The following RORB variants were observed in gnomAD, a reference collection of about 807,000 sequenced individuals.
RORB encodes the protein nuclear receptor ROR-beta.
A neutral mutation model predicts 59.1 loss-of-function variants in RORB; 6 were observed. That is an observed-to-expected ratio of 0.10 (90% confidence interval 0.06 to 0.20). The LOEUF (loss-of-function observed/expected upper bound fraction) is 0.20. Ranked by LOEUF, RORB falls within the 10% of genes least tolerant of loss-of-function variation. The pLI is 1.00. For synonymous variants in RORB, 215 were observed against 204.5 expected (o/e 1.05, Z -0.44); for missense variants, 320 against 560.5 (o/e 0.57, Z 4.33).
At chr9:74,652,328 A>T (rs1040752997) in intron 4 of RORB, among the ~76,000 whole-genome samples, 1 of 152,138 alleles carries the variant, frequency 6.6e-6, no homozygotes, top group African/African-American at 2.4e-5. Context: ...GAATCCCTTA[A>T]GCCAGGGAAG....
chr9:74,547,897 C>A (rs1240197691), intron 1 of RORB, among the ~76,000 whole-genome samples: 1 of 152,126 alleles, frequency 6.6e-6, no homozygotes, highest in Non-Finnish European at 1.5e-5. Flanking sequence ...AGAAAATAGG[C>A]TGAAAGGAGG....
chr9:74,634,750 T>G lies in RORB; in HGVS notation c.213T>G (p.Leu71=). ...AACACTGCCGACTGCAGAAGTGTCT[T>G]GCCCTAGGAATGTCAAGAGATGGTA... ...RCQHCRLQKC[L]ALGMSRDAVK... The change falls in exon 3 of 10, where the codon CTT becomes CTG. Residue 71 remains leucine, a synonymous_variant. Coordinates refer to ENST00000376896, the MANE Select transcript of RORB (RefSeq NM_006914.4). 1 of 1,613,272 alleles carries G rather than the reference T, an allele frequency of 6.2e-7. No homozygotes were observed. The highest frequency in any genetic ancestry group is 1.3e-5 in the African/African-American group (1 of 74,972).
intron 1 of RORB, among the ~76,000 whole-genome samples, chr9:74,505,987 G>A (rs945989891): frequency 6.7e-6 from 1 of 149,784 alleles, no homozygotes; most frequent in African/African-American, 2.5e-5. Flanking sequence ...AAAAAAAAAA[G>A]TATCACCAAG....
intron 1 of RORB, among the ~76,000 whole-genome samples, chr9:74,499,511 C>A (rs931717801): frequency 5.3e-5 from 8 of 152,118 alleles, no homozygotes; most frequent in African/African-American, 1.9e-4. Context: ...AGATAAGAAA[C>A]AAGGACGTCC....
intron 9 of RORB, among the ~76,000 whole-genome samples, chr9:74,681,297 G>A (rs1020418614): frequency 6.6e-6 from 1 of 152,168 alleles, no homozygotes; most frequent in Non-Finnish European, 1.5e-5. Flanking sequence ...AGCAATAAGT[G>A]ATTGCCTGCT....
At chr9:74,597,174 G>A (rs1008568041) in intron 1 of RORB, among the ~76,000 whole-genome samples, 2 of 152,188 alleles carry the variant, frequency 1.3e-5, no homozygotes, top group Admixed American at 6.5e-5. Flanking sequence ...TACGTTTTGA[G>A]AATCACTGCT....
chr9:74,619,133 T>C (rs1315114079), intron 1 of RORB, among the ~76,000 whole-genome samples: 1 of 152,164 alleles, frequency 6.6e-6, no homozygotes, highest in Admixed American at 6.5e-5. Context: ...TAATCTGGAA[T>C]TTTGTTCTTG....
chr9:74,633,477 C>A (rs1823652540), intron 2 of RORB, among the ~76,000 whole-genome samples: 1 of 152,204 alleles, frequency 6.6e-6, no homozygotes, highest in African/African-American at 2.4e-5. Flanking sequence ...CCCAAAATTT[C>A]TCTTAGAAAG....
At chr9:74,593,843 T>A (rs867876677) in intron 1 of RORB, among the ~76,000 whole-genome samples, 8 of 152,332 alleles carry the variant, frequency 5.3e-5, no homozygotes, top group Middle Eastern at 3.4e-3. Flanking sequence ...TGGTGCCATT[T>A]TTGTGTAAAC....
intron 4 of RORB, among the ~76,000 whole-genome samples, chr9:74,652,725 T>C (rs1033124578): frequency 6.6e-6 from 1 of 152,158 alleles, no homozygotes; most frequent in African/African-American, 2.4e-5. Flanking sequence ...CAGTTGGCAA[T>C]AGAATTTGCA....
intron 1 of RORB, among the ~76,000 whole-genome samples, chr9:74,509,348 T>C (rs1490507919): frequency 6.6e-6 from 1 of 152,114 alleles, no homozygotes; most frequent in Non-Finnish European, 1.5e-5. Context: ...TCCAAATATT[T>C]AATTTTATAA....
In RORB at chr9:74,685,829, A is replaced by G; in HGVS notation, c.*211A>G. 2.7e-6 allele frequency: 1 copy of G among 365,468 alleles called. No individual in the cohort carries two copies. The highest frequency in any genetic ancestry group is 4.9e-6 in the Non-Finnish European group (1 of 205,468). The allele number at this position is 365,468 out of a possible 1,614,324, so 22.6% of individuals were successfully genotyped here. ...TTGTTTGTTTGTTTTTGAAATGACC[A>G]TAAATATACAAATATAGGACACTGG... On this transcript the variant is annotated 3_prime_UTR_variant, in exon 10 of 10. Transcript: ENST00000376896.
intron 1 of RORB, chr9:74,498,805 C>G (rs1015547196): frequency 1.2e-5 from 2 of 162,628 alleles, no homozygotes; most frequent in Non-Finnish European, 2.6e-5. Context: ...GGGCCAGGAC[C>G]CTCGCAGTCG....
At chr9:74,684,616 G>A (rs1054318109) in intron 9 of RORB, among the ~76,000 whole-genome samples, 3 of 152,072 alleles carry the variant, frequency 2.0e-5, no homozygotes, top group Admixed American at 2.0e-4. Flanking sequence ...TGTCTTCTGG[G>A]TATCTTAACT....
In RORB at chr9:74,688,378, C is replaced by T. The variant is rs1824682832; in HGVS notation, c.*2760C>T. ...TAAAAAGCTGCCCTTCGAAGATCTC[C>T]TATGACTGCATGTCAAGGTATTTTG... On this transcript the variant is annotated 3_prime_UTR_variant, in exon 10 of 10. Transcript: ENST00000376896. 6.6e-6 allele frequency: 1 copy of T among 152,190 alleles called. No homozygotes were observed. The highest frequency in any genetic ancestry group is 1.5e-5 in the Non-Finnish European group (1 of 68,040). The allele number at this position is 152,190 out of a possible 1,614,324, so 9.4% of individuals were successfully genotyped here. A position where few individuals can be genotyped will look rare whatever the true frequency, so the allele number is the denominator to read the frequency against.
Position 74,541,279 on chromosome 9 carries a change from C to CAAAAA in RORB, c.7+43319_7+43323dup, listed in dbSNP as rs374556016. On this transcript the variant is annotated intron_variant, in intron 1 of 9. Coordinates refer to ENST00000376896, the MANE Select transcript of RORB (RefSeq NM_006914.4). ...TGGGCAACAGAAAGAGACTCCATCT[C>CAAAAA]AAAAAAAAAAAAAAAAAAAAAAAAA... Among the ~76,000 whole-genome samples, 419 of 43,504 alleles carry CAAAAA rather than the reference C, an allele frequency of 9.6e-3. 42 individuals are homozygous for CAAAAA. Among genetic ancestry groups the CAAAAA allele is most frequent in the South Asian group, 0.016 (15 of 912 alleles). The allele number at this position is 43,504 out of a possible 152,430, so 28.5% of individuals were successfully genotyped here.
chr9:74,550,198 C>G (rs958637869), intron 1 of RORB, among the ~76,000 whole-genome samples: 1 of 152,008 alleles, frequency 6.6e-6, no homozygotes, highest in Non-Finnish European at 1.5e-5. Flanking sequence ...TGTTTTTAAT[C>G]TCTGGCATTT....
At chr9:74,523,246 C>G (rs1041815942) in intron 1 of RORB, among the ~76,000 whole-genome samples, 1 of 151,184 alleles carries the variant, frequency 6.6e-6, no homozygotes, top group African/African-American at 2.4e-5. Context: ...TTTTGTTATC[C>G]TTTCATCTTT....
intron 1 of RORB, among the ~76,000 whole-genome samples, chr9:74,629,083 C>T (rs900085026): frequency 1.3e-5 from 2 of 152,082 alleles, no homozygotes; most frequent in Admixed American, 6.6e-5. Context: ...TTTGACTCTT[C>T]GTTTCCATGT....
Sources: allele counts gnomAD v4.1 joint callset (sites outside exome capture counted in the v4.1 genomes callset), GRCh38; gene constraint gnomAD v4.1.1; transcripts MANE v1.5; gene names NCBI Gene and HGNC (gene_info 2026-07-23, HGNC 2026-07-21).